PLEKHA7: variants seen among roughly 807,000 people sequenced by gnomAD.
The protein encoded by PLEKHA7 is pleckstrin homology domain containing A7.
PLEKHA7 carries 104 observed loss-of-function variants against 170.0 expected under a neutral mutation model. That is an observed-to-expected ratio of 0.61 (90% CI 0.52 to 0.72). PLEKHA7 has a LOEUF of 0.72. Among genes scored for constraint, PLEKHA7 ranks in the 30% least tolerant of loss-of-function variants. The pLI is 0.00. For synonymous variants in PLEKHA7, 648 were observed against 660.8 expected (o/e 0.98, Z 0.30); for missense variants, 1,615 against 1,671.7 (o/e 0.97, Z 0.59).
At chr11:16,945,532 T>C (rs963313308) in intron 3 of PLEKHA7, among the ~76,000 whole-genome samples, 2 of 152,116 alleles carry the variant, frequency 1.3e-5, no homozygotes, top group African/African-American at 4.8e-5. Flanking sequence ...GGATGATGGA[T>C]AGATGGACAG....
intron 3 of PLEKHA7, among the ~76,000 whole-genome samples, chr11:16,989,856 T>G (rs1863931415): frequency 1.3e-5 from 2 of 152,030 alleles, no homozygotes; most frequent in South Asian, 4.2e-4. Flanking sequence ...CTAATCCCAC[T>G]ACATGGGCTG....
At chr11:16,833,388 T>A (rs868225235) in intron 9 of PLEKHA7, among the ~76,000 whole-genome samples, 13 of 152,154 alleles carry the variant, frequency 8.5e-5, no homozygotes, top group Non-Finnish European at 1.6e-4. Context: ...AAAAAAGCTA[T>A]TCCAGGCCTG....
At chr11:16,803,525 G>C (rs182995278) in intron 13 of PLEKHA7, 4 of 519,928 alleles carry the variant, frequency 7.7e-6, no homozygotes, top group East Asian at 6.2e-5. Context: ...TAAGTCCTTT[G>C]AGTTAAAGAA....
Position 16,817,719 on chromosome 11 carries a change from G to A in PLEKHA7, c.1344-397C>T, listed in dbSNP as rs946864412. Among the ~76,000 whole-genome samples, 5 of 152,182 alleles carry A rather than the reference G, an allele frequency of 3.3e-5. No homozygotes were observed. In the South Asian group the frequency reaches 6.2e-4, roughly 19 times the overall value. ...CTGGTATCCTTAGCACCAAGTTCCA[G>A]AGGTTCATAAAGGAAGTGGTTGGCA... On this transcript the variant is annotated intron_variant, in intron 10 of 26. Transcript: ENST00000531066. This position sits in a 1 kb window ranked among gnomAD's most constrained non-coding sequence, Gnocchi z 4.4.
intron 3 of PLEKHA7, among the ~76,000 whole-genome samples, chr11:16,918,398 T>TGG (rs1276200167): frequency 2.0e-5 from 3 of 152,082 alleles, no homozygotes; most frequent in African/African-American, 7.3e-5. Context: ...ACTCACCTTG[T>TGG]GGAAGGCAGC....
intron 3 of PLEKHA7, among the ~76,000 whole-genome samples, chr11:16,931,245 T>C (rs190149428): frequency 3.9e-5 from 6 of 152,220 alleles, no homozygotes; most frequent in Admixed American, 2.0e-4. Flanking sequence ...CACCAGAGAA[T>C]TGAATGCCAA....
At position 16,826,323 on chromosome 11, in the gene PLEKHA7, G is replaced by A. The variant is rs1172990295; in HGVS notation, c.1140C>T (p.Gly380=). Residue 380 remains glycine (G), a synonymous_variant, in exon 10 of 27, where the codon GGC becomes GGT. Coordinates refer to ENST00000531066, the MANE Select transcript of PLEKHA7 (RefSeq NM_001329630.2). ...GGGGCTGTGCCTGCTGGCCTCTTGG[G>A]CCAGTGGGTAAATCCATAAACAAGG... ...EDALFMDLPT[G]PRGQQAQPQR... 6.2e-7 allele frequency: 1 copy of A among 1,614,232 alleles called. No individual in the cohort carries two copies. The highest frequency in any genetic ancestry group is 1.3e-5 in the African/African-American group (1 of 75,060).
Position 16,943,592 on chromosome 11 carries a change from T to C in PLEKHA7, c.221+70397A>G, listed in dbSNP as rs140969090. 5.1e-3 allele frequency among the ~76,000 whole-genome samples: 770 copies of C among 152,342 alleles called. 5 individuals are homozygous for C. The highest frequency in any genetic ancestry group is 0.024 in the Middle Eastern group (7 of 294). ...CAGGCTTCAAAGATAAATGCTATAC[T>C]GGAGTGACTCTGATTAAGTCATTGG... On this transcript the variant is annotated intron_variant, in intron 3 of 26. Transcript: ENST00000531066.
chr11:16,966,443 CT>C (rs1273873521), intron 3 of PLEKHA7, among the ~76,000 whole-genome samples: 1 of 152,118 alleles, frequency 6.6e-6, no homozygotes, highest in Non-Finnish European at 1.5e-5. Flanking sequence ...AAAGTCCACC[CT>C]GTGGAGCCCA....
At chr11:16,842,586 T>C (rs1353897759) in intron 8 of PLEKHA7, 1 of 116,750 alleles carries the variant, frequency 8.6e-6, no homozygotes, top group Admixed American at 1.1e-4. Context: ...CTTTCACATG[T>C]ATCCTTGCAA....
At chr11:16,919,801 G>A (rs1455678606) in intron 3 of PLEKHA7, among the ~76,000 whole-genome samples, 1 of 151,926 alleles carries the variant, frequency 6.6e-6, no homozygotes, top group Non-Finnish European at 1.5e-5. Context: ...GGAAAAAAAA[G>A]ACAACAAATA....
At chr11:16,947,067 G>A (rs1861076481) in intron 3 of PLEKHA7, among the ~76,000 whole-genome samples, 3 of 152,132 alleles carry the variant, frequency 2.0e-5, no homozygotes, top group Non-Finnish European at 4.4e-5. Flanking sequence ...CACAGGACCT[G>A]GCATTTTTAA....
chr11:16,986,695 TA>T lies in PLEKHA7; in HGVS notation c.221+27293del, dbSNP rs1863746150. ...TCCCAGCTGTCACCAACAACCTGAG[TA>T]ACCTTGGGCAGGTGACTTCACCGCT... On this transcript the variant is annotated intron_variant, in intron 3 of 26. Coordinates refer to ENST00000531066, the MANE Select transcript of PLEKHA7 (RefSeq NM_001329630.2). Among the ~76,000 whole-genome samples the T allele has an allele frequency of 2.6e-5, 4 of 152,132 alleles. No homozygotes were observed. The South Asian group carries it at 8.3e-4, about 32-fold the overall frequency.
chr11:16,826,296 T>C lies in PLEKHA7; in HGVS notation c.1167A>G (p.Gln389=), dbSNP rs150889035. 185 of 1,614,256 alleles carry C rather than the reference T, an allele frequency of 1.1e-4. No homozygotes were observed. The African/African-American group carries it at 2.2e-3, about 19-fold the overall frequency. Residue 389 remains glutamine (Q), a synonymous_variant, in exon 10 of 27, where the codon CAA becomes CAG. Transcript: ENST00000531066. ...TGPRGQQAQP[Q]RAEKNGMLPA... ...GCAGCATTCCATTCTTCTCTGCCCG[T>C]TGGGGCTGTGCCTGCTGGCCTCTTG...
At chr11:16,942,779 T>C (rs1860778752) in intron 3 of PLEKHA7, among the ~76,000 whole-genome samples, 1 of 152,250 alleles carries the variant, frequency 6.6e-6, no homozygotes, top group Admixed American at 6.5e-5. Context: ...CAATAAAAAT[T>C]CAATCTAAGC....
intron 3 of PLEKHA7, among the ~76,000 whole-genome samples, chr11:16,900,597 T>A (rs142097058): frequency 4.1e-4 from 63 of 152,278 alleles, no homozygotes; most frequent in African/African-American, 1.4e-3. Flanking sequence ...TTAAATAAAA[T>A]TGTACACAAA....
chr11:16,778,562 TCTCA>T lies in PLEKHA7; in HGVS notation c.*432_*435del, dbSNP rs1848804216. On this transcript the variant is annotated 3_prime_UTR_variant, in exon 27 of 27. Transcript: ENST00000531066. ...AGTCTACTGGGAACACCTCTTTAAATCTCACTTTCTCCTGAGGTCATTGGAAGTT... is the reference window on the plus strand; with the variant it reads ...AGTCTACTGGGAACACCTCTTTAAATCTTTCTCCTGAGGTCATTGGAAGTT... The T allele has an allele frequency of 4.7e-6, 1 of 214,722 alleles. No individual in the cohort carries two copies. Among genetic ancestry groups the T allele is most frequent in the Admixed American group, 5.1e-5 (1 of 19,572 alleles). The allele number at this position is 214,722 out of a possible 1,614,324, so 13.3% of individuals were successfully genotyped here. A position where few individuals can be genotyped will look rare whatever the true frequency, so the allele number is the denominator to read the frequency against.
At chr11:16,954,269 A>C (rs1861569907) in intron 3 of PLEKHA7, among the ~76,000 whole-genome samples, 1 of 152,206 alleles carries the variant, frequency 6.6e-6, no homozygotes, top group South Asian at 2.1e-4. Context: ...TAATCTCAGC[A>C]CTTTGGGAGG....
intron 3 of PLEKHA7, among the ~76,000 whole-genome samples, chr11:17,010,911 C>T (rs1865287436): frequency 6.6e-6 from 1 of 152,190 alleles, no homozygotes; most frequent in Admixed American, 6.5e-5. Context: ...ACCCTTAAGT[C>T]TCTCAAAAAA....
Sources: allele counts gnomAD v4.1 joint callset (sites outside exome capture counted in the v4.1 genomes callset), GRCh38; gene constraint gnomAD v4.1.1; non-coding constraint Gnocchi (gnomAD v3.1); transcripts MANE v1.5; gene names NCBI Gene and HGNC (gene_info 2026-07-23, HGNC 2026-07-21).